GPALPP1: variants seen among roughly 807,000 people sequenced by gnomAD.
GPALPP1 encodes the protein GPALPP motifs-containing protein 1.
A neutral mutation model predicts 38.9 loss-of-function variants in GPALPP1; 30 were observed. The ratio of observed to expected loss-of-function variants is 0.77; its 90% CI spans 0.58 to 1.05. GPALPP1 has a LOEUF of 1.05. GPALPP1 is among the 50% of genes least tolerant of loss of function. The probability of loss-of-function intolerance (pLI) is 0.00; values close to 1 mark genes in which losing one functional copy is unlikely to be tolerated. For missense variants in GPALPP1, 384 were observed against 408.8 expected (o/e 0.94, Z 0.52); for synonymous variants, 120 against 139.2 (o/e 0.86, Z 0.97).
downstream of GPALPP1, among the ~76,000 whole-genome samples, chr13:45,033,037 C>T (rs1023799241): frequency 8.4e-6 from 1 of 118,700 alleles, no homozygotes; most frequent in African/African-American, 3.1e-5. Context: ...ACTCCATCTC[C>T]AAAAAAAAAA....
rs1874279099 is a variant in GPALPP1 at position 45,008,840 on chromosome 13, A to G, written c.369A>G (p.Thr123=). The G allele has an allele frequency of 6.2e-7, 1 of 1,601,156 alleles. No homozygotes were observed. Reference sequence around the variant, plus strand: ...TGCCACCTGGTTTCATTAAATCTACACAGAAAAGTGACAAGGGCAGAGATG... The same window carrying G: ...TGCCACCTGGTTTCATTAAATCTACGCAGAAAAGTGACAAGGGCAGAGATG... ...PALPPGFIKS[T]QKSDKGRDDP... The change falls in exon 4 of 8, where the codon ACA becomes ACG. Residue 123 remains threonine, a synonymous_variant. Transcript: ENST00000379151.
intron 6 of GPALPP1, among the ~76,000 whole-genome samples, chr13:45,018,391 T>C (rs1163203261): frequency 5.5e-5 from 8 of 146,286 alleles, no homozygotes; most frequent in Admixed American, 1.3e-4. Flanking sequence ...AGCGAGACTC[T>C]GTCTAAAAAA....
In GPALPP1 at chr13:45,006,249, T is replaced by A; in HGVS notation, c.269T>A (p.Phe90Tyr). 1 of 1,610,922 alleles carries A rather than the reference T, an allele frequency of 6.2e-7. No individual in the cohort carries two copies. ...QDDDDDDDDG[F>Y]FGPALPPGFK... ...GATGACGATGATGATGATGATGGGT[T>A]TTTTGGACCAGCCCTTCCTCCTGGA... The change falls in exon 3 of 8, where the codon TTT becomes TAT. Residue 90 changes from phenylalanine (F) to tyrosine (Y), a missense_variant. By Grantham distance (22) the Phe-to-Tyr change is conservative. Coordinates refer to ENST00000379151, the MANE Select transcript of GPALPP1 (RefSeq NM_018559.5).
intron 6 of GPALPP1, among the ~76,000 whole-genome samples, chr13:45,018,952 TAC>T (rs1221487081): frequency 1.9e-4 from 14 of 75,312 alleles, no homozygotes; most frequent in African/African-American, 1.2e-3. Flanking sequence ...TAAATATATA[TAC>T]ATATAAATAT....
At chr13:45,012,153 G>A (rs1874523398) in intron 4 of GPALPP1, among the ~76,000 whole-genome samples, 1 of 152,182 alleles carries the variant, frequency 6.6e-6, no homozygotes, top group Non-Finnish European at 1.5e-5. Context: ...CTCAGCCAGA[G>A]GAGATTGAAT....
chr13:45,021,638 CAT>C (rs1875437129), intron 7 of GPALPP1, among the ~76,000 whole-genome samples: 1 of 142,114 alleles, frequency 7.0e-6, no homozygotes, highest in South Asian at 2.2e-4. Flanking sequence ...TCAAAAAAAA[CAT>C]AAAAAAAAAA....
chr13:44,989,572 C>G lies in GPALPP1; in HGVS notation c.-83C>G, dbSNP rs544453157. The G allele has an allele frequency of 2.0e-4, 298 of 1,484,800 alleles. 1 individual carries two copies. The highest frequency in any genetic ancestry group is 4.1e-4 in the Admixed American group (23 of 56,540). The allele number at this position is 1,484,800 out of a possible 1,614,324, so 92.0% of individuals were successfully genotyped here. On this transcript the variant is annotated 5_prime_UTR_variant, in exon 1 of 8. Transcript: ENST00000379151. ...CGGCGCCGGGAAACCTGCCATTCTT[C>G]GCTGCTGATCGCGGGATTCTTTTTG...
At chr13:45,022,796 A>C (rs960173008) in intron 7 of GPALPP1, among the ~76,000 whole-genome samples, 1 of 152,082 alleles carries the variant, frequency 6.6e-6, no homozygotes, top group Non-Finnish European at 1.5e-5. Context: ...ACTTTGGGGG[A>C]GACTGAGACG....
At chr13:45,008,276 G>A (rs1439624036) in intron 3 of GPALPP1, among the ~76,000 whole-genome samples, 2 of 152,092 alleles carry the variant, frequency 1.3e-5, no homozygotes, top group Admixed American at 6.6e-5. Flanking sequence ...TTTTAATACT[G>A]CCATGTTATA....
At chr13:45,034,020 T>A (rs1876319779), downstream of GPALPP1, 1 of 152,194 alleles carries the variant, frequency 6.6e-6, no homozygotes, top group Admixed American at 6.5e-5. Flanking sequence ...CTTTGCAACA[T>A]CAAAGCTAAG....
chr13:45,024,162 T>TGTGTGCGC (rs1875620980), intron 7 of GPALPP1, among the ~76,000 whole-genome samples: 2 of 20,022 alleles, frequency 1.0e-4, no homozygotes, highest in African/African-American at 2.1e-4. Context: ...TGTGTGTGTG[T>TGTGTGCGC]GTGTGTGTGT....
downstream of GPALPP1, chr13:45,034,723 TTTC>T (rs1381352215): frequency 6.7e-6 from 1 of 149,326 alleles, no homozygotes; most frequent in African/African-American, 2.5e-5. Flanking sequence ...TTTATTTTTA[TTTC>T]TTTTTTTTTT....
Position 44,989,641 on chromosome 13 carries a change from G to T in GPALPP1, c.-14G>T. The T allele has an allele frequency of 6.2e-7, 1 of 1,606,968 alleles. No individual in the cohort carries two copies. On this transcript the variant is annotated 5_prime_UTR_variant, in exon 1 of 8. Transcript: ENST00000379151. ...GGATAGACTCATATCTGTGACCAGT[G>T]TCCGCCACCGCGGATGGCAAGAGAC... is the stretch of plus-strand genomic sequence containing the variant.
At position 45,015,071 on chromosome 13, in the gene GPALPP1, C is replaced by G; in HGVS notation, c.528C>G (p.Thr176=). The change falls in exon 5 of 8, where the codon ACC becomes ACG. Residue 176 remains threonine (T), a synonymous_variant. Transcript: ENST00000379151. ...CCCAGAGAATGAAAGAAAAACTGAC[C>G]AAAGGAGATGATGTAAGTTTTAAAA... is the stretch of plus-strand genomic sequence containing the variant. ...KRAQRMKEKL[T]KGDDDSSKPI... 6.3e-7 allele frequency: 1 copy of G among 1,596,464 alleles called. No homozygotes were observed. Among genetic ancestry groups the G allele is most frequent in the East Asian group, 2.2e-5 (1 of 44,534 alleles).
In GPALPP1 at chr13:45,003,613, A is replaced by T. The variant is rs183404553; in HGVS notation, c.89-692A>T. ...TTGTGTCTGTGTGACATCATCAGTG[A>T]CATCATGACACTGCAGTGACACCAT... is the stretch of plus-strand genomic sequence containing the variant. On this transcript the variant is annotated intron_variant, in intron 1 of 7. Transcript: ENST00000379151. Among the ~76,000 whole-genome samples the T allele has an allele frequency of 5.3e-5, 8 of 152,296 alleles. No individual in the cohort carries two copies. The East Asian group carries it at 1.5e-3, about 29-fold the overall frequency.
At position 45,012,471 on chromosome 13, in the gene GPALPP1, C is replaced by A. The variant is rs146215377; in HGVS notation, c.409-2481C>A. 5.1e-3 allele frequency among the ~76,000 whole-genome samples: 769 copies of A among 152,214 alleles called. 11 individuals carry two copies. The highest frequency in any genetic ancestry group is 0.018 in the African/African-American group (749 of 41,510). ...ATGACATATTGGTGTTTATTGCACT[C>A]ATCTTAGCACTTTTATATAGGTTCA... On this transcript the variant is annotated intron_variant, in intron 4 of 7. Transcript: ENST00000379151.
intron 6 of GPALPP1, among the ~76,000 whole-genome samples, chr13:45,016,667 A>G (rs1874895740): frequency 6.6e-6 from 1 of 152,056 alleles, no homozygotes; most frequent in African/African-American, 2.4e-5. Context: ...TTAAGAGACA[A>G]GGTCTCTCTG....
intron 1 of GPALPP1, among the ~76,000 whole-genome samples, chr13:45,000,112 T>C (rs1873564726): frequency 1.3e-5 from 2 of 152,176 alleles, no homozygotes; most frequent in Admixed American, 1.3e-4. Context: ...TAAAAATCCA[T>C]GGCAATTTTT....
At chr13:45,035,523 G>T (rs1477387051) in exon 8 of GPALPP1, 2 of 152,100 alleles carry the variant, frequency 1.3e-5, no homozygotes, top group Non-Finnish European at 2.9e-5. Context: ...GTTTTTTTAA[G>T]AAGTTGTTGT....
Sources: gnomAD v4.1 joint callset for allele counts (sites outside exome capture counted in the v4.1 genomes callset) on GRCh38, gnomAD v4.1.1 for gene constraint, MANE v1.5 for transcripts, NCBI Gene and HGNC (gene_info 2026-07-23, HGNC 2026-07-21) for gene names.